Variants in CHAT observed in about 807,000 individuals in gnomAD.
The protein encoded by CHAT is choline O-acetyltransferase, also known as acetyl CoA:choline O-acetyltransferase.
Under a neutral mutation model 76.9 loss-of-function variants are expected in CHAT, and 61 were observed. The observed-to-expected ratio is 0.79, with a 90% confidence interval of 0.65 to 0.98. The LOEUF is 0.98. Ranked by LOEUF, CHAT falls within the 50% of genes least tolerant of loss-of-function variation. The probability of loss-of-function intolerance (pLI) is 0.00; values close to 1 mark genes in which losing one functional copy is unlikely to be tolerated. For missense variants in CHAT, 946 were observed against 986.9 expected (o/e 0.96, Z 0.56); for synonymous variants, 407 against 397.4 (o/e 1.02, Z -0.29).
At chr10:49,619,633 G>A (rs765517302) in intron 2 of CHAT, 92 bp from the exon 3 acceptor site, 308 of 1,253,882 alleles carry the variant, frequency 2.5e-4, no homozygotes, top group Non-Finnish European at 3.3e-4. Context: ...AACAACACAG[G>A]GGCAGAACAA....
intron 7 of CHAT, among the ~76,000 whole-genome samples, chr10:49,637,202 A>G (rs1462743598): frequency 6.7e-6 from 1 of 150,348 alleles, no homozygotes; most frequent in Non-Finnish European, 1.5e-5. Flanking sequence ...TTCTTTTTCT[A>G]GGTTCTTCAG....
chr10:49,616,038 T>C (rs752801376), intron 1 of CHAT: 1 of 1,613,846 alleles, frequency 6.2e-7, no homozygotes, highest in South Asian at 1.1e-5. Flanking sequence ...GAATTCACCC[T>C]ACTCCACACC....
At chr10:49,623,820 A>G (rs1245608361) in intron 5 of CHAT, among the ~76,000 whole-genome samples, 1 of 152,020 alleles carries the variant, frequency 6.6e-6, no homozygotes. Flanking sequence ...CATGTAACCC[A>G]TGGTGCTCAG....
At chr10:49,637,646 C>T (rs1304676169) in intron 7 of CHAT, 2 of 152,612 alleles carry the variant, frequency 1.3e-5, no homozygotes, top group African/African-American at 4.8e-5. Flanking sequence ...TCCCCAGCCA[C>T]GTGAAACTGT....
chr10:49,649,845 C>A (rs1000501770), intron 10 of CHAT, among the ~76,000 whole-genome samples: 1 of 150,238 alleles, frequency 6.7e-6, no homozygotes, highest in African/African-American at 2.4e-5. Context: ...CATCATTTCT[C>A]TAAAATGCAA....
In CHAT at chr10:49,649,619, G is replaced by C. The variant is rs139722660; in HGVS notation, c.1494G>C (p.Ser498=). The C allele has an allele frequency of 1.9e-6, 3 of 1,613,768 alleles. No homozygotes were observed. Among genetic ancestry groups the C allele is most frequent in the Non-Finnish European group, 2.5e-6 (3 of 1,180,038 alleles). The change falls in exon 10 of 15, where the codon TCG becomes TCC. Residue 498 remains serine (S), a synonymous_variant. Transcript: ENST00000337653. Reference sequence around the variant, plus strand: ...AAATTCAAGGCCACTTAGCCTCCTCGGCAGAAAAACTTCAACGGTAAGGAT... The same window carrying C: ...AAATTCAAGGCCACTTAGCCTCCTCCGCAGAAAAACTTCAACGGTAAGGAT... ...SPEIQGHLAS[S]AEKLQRIVKN...
intron 10 of CHAT, among the ~76,000 whole-genome samples, chr10:49,651,192 TAG>T (rs1839864671): frequency 6.6e-6 from 1 of 150,470 alleles, no homozygotes; most frequent in Non-Finnish European, 1.5e-5. Flanking sequence ...TGTCAACAGG[TAG>T]GTCTAAGGAG....
At chr10:49,621,981 G>T (rs574755516) in intron 4 of CHAT, 116 bp from the exon 5 acceptor site, 8 of 1,155,004 alleles carry the variant, frequency 6.9e-6, no homozygotes, top group African/African-American at 4.5e-5. Context: ...GGAGAAGGGA[G>T]GGAAGAGGAA....
chr10:49,662,927 A>G (rs1840242822), intron 14 of CHAT, 145 bp downstream of exon 14: 1 of 1,062,336 alleles, frequency 9.4e-7, no homozygotes, highest in South Asian at 1.3e-5. Flanking sequence ...AATGATCTGA[A>G]TGTTCATTAG....
At chr10:49,613,752 C>T (rs538847754), upstream of CHAT, among the ~76,000 whole-genome samples, 8 of 152,296 alleles carry the variant, frequency 5.3e-5, no homozygotes, top group East Asian at 1.5e-3. Context: ...TCAGGTCTGC[C>T]ATCAGGATTG....
rs140796199 is a variant in CHAT at position 49,636,974 on chromosome 10, G to A, written c.1111+9189G>A. Among the ~76,000 whole-genome samples, 4 of 151,682 alleles carry A rather than the reference G, an allele frequency of 2.6e-5. No individual in the cohort carries two copies. The East Asian group carries it at 7.7e-4, about 29-fold the overall frequency. On this transcript the variant is annotated intron_variant, in intron 7 of 14. Transcript: ENST00000337653. Reference sequence around the variant, plus strand: ...AGTATCCTCTTATTATACTTTTGATGTCTGCAGGGTCTGTAGTGATATCCT... The same window carrying A: ...AGTATCCTCTTATTATACTTTTGATATCTGCAGGGTCTGTAGTGATATCCT...
chr10:49,623,693 C>T (rs1275519746), intron 5 of CHAT, among the ~76,000 whole-genome samples: 1 of 152,188 alleles, frequency 6.6e-6, no homozygotes, highest in Non-Finnish European at 1.5e-5. Flanking sequence ...TCCCCATTCC[C>T]CAACTCCTCC....
chr10:49,653,985 C>T (rs1018936722), intron 11 of CHAT, among the ~76,000 whole-genome samples: 1 of 152,230 alleles, frequency 6.6e-6, no homozygotes, highest in Admixed American at 6.5e-5. Context: ...CTGGGTTCAT[C>T]GAATGGCCAA....
chr10:49,619,484 A>G (rs528732018), intron 2 of CHAT, among the ~76,000 whole-genome samples: 14 of 152,214 alleles, frequency 9.2e-5, no homozygotes, highest in Non-Finnish European at 1.8e-4. Flanking sequence ...GTCTGATGCC[A>G]ATATCACCGT....
At chr10:49,636,698 C>T (rs1390051267) in intron 7 of CHAT, among the ~76,000 whole-genome samples, 1 of 152,136 alleles carries the variant, frequency 6.6e-6, no homozygotes, top group African/African-American at 2.4e-5. Context: ...ATACCCTTAA[C>T]TCATTTATGC....
intron 5 of CHAT, 77 bp from the exon 6 acceptor site, chr10:49,625,396 A>T (rs954305973): frequency 1.4e-6 from 2 of 1,416,666 alleles, no homozygotes; most frequent in Non-Finnish European, 9.8e-7. Flanking sequence ...TCAAGTTACA[A>T]TAAAACCCAT....
chr10:49,616,591 A>G lies in CHAT; in HGVS notation c.376A>G (p.Ser126Gly). The change falls in exon 2 of 15, where the codon AGT (serine) becomes GGT (glycine). Residue 126 changes from serine to glycine, a missense_variant. By Grantham distance (56) the Ser-to-Gly change is moderately conservative (BLOSUM62 0). Transcript: ENST00000337653. ...PRKMAAKTPSSEESGLPKLPV... is the reference protein window; with the variant it reads ...PRKMAAKTPSGEESGLPKLPV... ...TAAGATGGCAGCAAAAACTCCCAGC[A>G]GTGAGGAGTCTGTGAGTGACTTTTG... 6.2e-7 allele frequency: 1 copy of G among 1,608,808 alleles called. No homozygotes were observed. The highest frequency in any genetic ancestry group is 1.1e-5 in the South Asian group (1 of 90,304).
chr10:49,620,900 A>G (rs1429360179), intron 4 of CHAT, among the ~76,000 whole-genome samples: 1 of 152,222 alleles, frequency 6.6e-6, no homozygotes, highest in African/African-American at 2.4e-5. Flanking sequence ...CACCTGGCTG[A>G]GGCCCTGGGA....
At chr10:49,654,465 G>C (rs1447138800) in intron 11 of CHAT, among the ~76,000 whole-genome samples, 5 of 152,268 alleles carry the variant, frequency 3.3e-5, no homozygotes, top group Admixed American at 1.3e-4. Flanking sequence ...CACCAGGGGT[G>C]CAAGCCCAGG....
Sources: gnomAD v4.1 joint callset for allele counts (sites outside exome capture counted in the v4.1 genomes callset) on GRCh38, gnomAD v4.1.1 for gene constraint, MANE v1.5 for transcripts, NCBI Gene and HGNC (gene_info 2026-07-23, HGNC 2026-07-21) for gene names.